The following DLG1 variants were observed in gnomAD, a reference collection of about 807,000 sequenced individuals.
DLG1 encodes discs large MAGUK scaffold protein 1.
A neutral mutation model predicts 123.4 loss-of-function variants in DLG1; 42 were observed. The ratio of observed to expected loss-of-function variants is 0.34; its 90% CI spans 0.27 to 0.44. DLG1 has a LOEUF of 0.44. DLG1 is among the 20% of genes least tolerant of loss of function. DLG1 has a pLI of 1.00. For missense variants in DLG1, 942 were observed against 1,082.6 expected, an observed-to-expected ratio of 0.87 and a Z score of 1.82; for synonymous variants, 317 against 356.2, an observed-to-expected ratio of 0.89 and a Z score of 1.24.
At chr3:197,189,951 T>C (rs914030435) in intron 5 of DLG1, among the ~76,000 whole-genome samples, 3 of 152,214 alleles carry the variant, frequency 2.0e-5, no homozygotes, top group African/African-American at 7.2e-5. Context: ...CTTTAATTAA[T>C]AACATACTCC....
At chr3:197,063,281 TTTTG>T (rs1461931927) in intron 22 of DLG1, among the ~76,000 whole-genome samples, 1 of 152,210 alleles carries the variant, frequency 6.6e-6, no homozygotes, top group East Asian at 1.9e-4. Context: ...TTGCTTTTAT[TTTTG>T]ATTTTTTTAA....
chr3:197,250,135 A>G (rs1038813739), intron 4 of DLG1, among the ~76,000 whole-genome samples: 1 of 152,228 alleles, frequency 6.6e-6, no homozygotes, highest in African/African-American at 2.4e-5. Context: ...AGATGGCATG[A>G]TCTCATACCT....
At chr3:197,189,110 A>T (rs1717777258) in intron 5 of DLG1, among the ~76,000 whole-genome samples, 1 of 152,232 alleles carries the variant, frequency 6.6e-6, no homozygotes, top group Non-Finnish European at 1.5e-5. Flanking sequence ...CAAGAACTTG[A>T]GAAACGTTCA....
At chr3:197,045,527 G>A (rs1020999173) in intron 24 of DLG1, among the ~76,000 whole-genome samples, 3 of 151,710 alleles carry the variant, frequency 2.0e-5, no homozygotes, top group Non-Finnish European at 4.4e-5. Context: ...GGTTGCTTGA[G>A]GCTAGGAGTT....
chr3:197,155,511 A>G (rs758256539), intron 5 of DLG1, among the ~76,000 whole-genome samples: 2 of 152,246 alleles, frequency 1.3e-5, no homozygotes, highest in African/African-American at 2.4e-5. Flanking sequence ...AGATCTCAGT[A>G]AAGGTAAATA....
At chr3:197,058,597 T>C (rs572235788) in intron 23 of DLG1, among the ~76,000 whole-genome samples, 1 of 152,368 alleles carries the variant, frequency 6.6e-6, no homozygotes, top group East Asian at 1.9e-4. Context: ...TTGTTTTCTA[T>C]CCTTTGAAAT....
intron 8 of DLG1, among the ~76,000 whole-genome samples, chr3:197,139,282 A>G (rs1400652776): frequency 6.6e-6 from 1 of 152,188 alleles, no homozygotes; most frequent in African/African-American, 2.4e-5. Context: ...TCTATATCTA[A>G]CAGAATCAGG....
Position 197,044,592 on chromosome 3 carries a change from G to A in DLG1, c.*31C>T. ...AAGAGATGCCAAAGAAAATGGAATT[G>A]TGGAAAAGAGAAACAGAGAAACATG... On this transcript the variant is annotated 3_prime_UTR_variant, in exon 25 of 25. Transcript: ENST00000667157. The A allele has an allele frequency of 6.8e-7, 1 of 1,480,858 alleles. No individual in the cohort carries two copies. Among genetic ancestry groups the A allele is most frequent in the Non-Finnish European group, 9.4e-7 (1 of 1,064,786 alleles). 91.7% of individuals were successfully genotyped at this position (1,480,858 alleles called of 1,614,324 possible).
At chr3:197,297,558 G>A (rs1035439145) in intron 1 of DLG1, 8 of 1,071,496 alleles carry the variant, frequency 7.5e-6, no homozygotes, top group East Asian at 1.5e-4. Context: ...TACTGGGTAC[G>A]GGCGGGTGAA....
chr3:197,195,870 A>G (rs530555529), intron 4 of DLG1, among the ~76,000 whole-genome samples: 43 of 152,164 alleles, frequency 2.8e-4, no homozygotes, highest in African/African-American at 9.9e-4. Flanking sequence ...TACCCCCTGA[A>G]CTTAAAATAA....
intron 12 of DLG1, among the ~76,000 whole-genome samples, chr3:197,117,285 A>G (rs965373975): frequency 6.6e-6 from 1 of 152,230 alleles, no homozygotes; most frequent in Admixed American, 6.5e-5. Flanking sequence ...GTGGTTCCTC[A>G]GAAAGCTAAC....
chr3:197,081,725 A>AC (rs1405008045), intron 16 of DLG1, among the ~76,000 whole-genome samples: 2 of 152,214 alleles, frequency 1.3e-5, no homozygotes, highest in African/African-American at 4.8e-5. Context: ...TTGGAAGGAT[A>AC]CATAAGAACT....
chr3:197,208,572 T>G (rs1280528683), intron 4 of DLG1, among the ~76,000 whole-genome samples: 1 of 145,212 alleles, frequency 6.9e-6, no homozygotes, highest in Non-Finnish European at 1.5e-5. Flanking sequence ...ATATCACAAG[T>G]CATAAAATGA....
At chr3:197,230,981 G>C (rs1742657962) in intron 4 of DLG1, among the ~76,000 whole-genome samples, 1 of 149,862 alleles carries the variant, frequency 6.7e-6, no homozygotes, top group African/African-American at 2.5e-5. Flanking sequence ...GTAAGTTATA[G>C]CATATAACTA....
At chr3:197,096,851 A>G (rs1226577190) in intron 14 of DLG1, among the ~76,000 whole-genome samples, 1 of 152,042 alleles carries the variant, frequency 6.6e-6, no homozygotes, top group Non-Finnish European at 1.5e-5. Flanking sequence ...GCTAATCCTT[A>G]TTTTCACTTT....
chr3:197,082,851 T>A (rs902765165), intron 16 of DLG1, among the ~76,000 whole-genome samples: 1 of 152,148 alleles, frequency 6.6e-6, no homozygotes. Flanking sequence ...CACAATCTTA[T>A]AGAATTTTTG....
intron 5 of DLG1, among the ~76,000 whole-genome samples, chr3:197,180,729 G>T (rs1026473055): frequency 3.9e-5 from 6 of 152,054 alleles, no homozygotes; most frequent in Non-Finnish European, 8.8e-5. Context: ...AGGATAGTAT[G>T]AAGAATGGAG....
intron 12 of DLG1, among the ~76,000 whole-genome samples, chr3:197,117,364 T>C (rs1014346905): frequency 6.6e-6 from 1 of 152,182 alleles, no homozygotes; most frequent in Admixed American, 6.5e-5. Context: ...AAGCAGTGAT[T>C]TGGACAGATA....
intron 14 of DLG1, among the ~76,000 whole-genome samples, chr3:197,104,332 CCA>C (rs1020237156): frequency 2.0e-5 from 3 of 151,966 alleles, no homozygotes; most frequent in Admixed American, 2.0e-4. Flanking sequence ...TTAAATTAAC[CCA>C]CATAATGGGG....
Sources: allele counts gnomAD v4.1 joint callset (sites outside exome capture counted in the v4.1 genomes callset), GRCh38; gene constraint gnomAD v4.1.1; transcripts MANE v1.5; gene names NCBI Gene and HGNC (gene_info 2026-07-23, HGNC 2026-07-21).